The following AVEN variants were observed in gnomAD, a reference collection of about 807,000 sequenced individuals.
The protein encoded by AVEN is apoptosis and caspase activation inhibitor, also known as cell death regulator Aven.
In AVEN, 41 loss-of-function variants were observed where a neutral mutation model predicts 38.1. The observed-to-expected ratio is 1.08, with a 90% CI of 0.84 to 1.40. The LOEUF is 1.40. Among genes scored for constraint, AVEN ranks in the 40% most tolerant of loss-of-function variants. The probability of loss-of-function intolerance (pLI) is 0.00; values close to 1 mark genes in which losing one functional copy is unlikely to be tolerated. For synonymous variants in AVEN, 206 were observed against 171.8 expected, an observed-to-expected ratio of 1.20 and a Z score of -1.56; for missense variants, 605 against 438.8, an observed-to-expected ratio of 1.38 and a Z score of -3.38.
intron 5 of AVEN, 32 bp downstream of exon 5, chr15:33,867,463 A>C (rs1430916173): frequency 2.6e-6 from 4 of 1,537,938 alleles, no homozygotes; most frequent in Non-Finnish European, 3.5e-6. Context: ...CACCAGAATC[A>C]AGATTCACGG....
intron 2 of AVEN, among the ~76,000 whole-genome samples, chr15:33,891,394 CCT>C (rs893638011): frequency 5.3e-5 from 8 of 152,132 alleles, no homozygotes; most frequent in African/African-American, 1.7e-4. Flanking sequence ...TCCCCCACCC[CCT>C]GACGGGCCCT....
chr15:34,039,626 G>A (rs1341560158), upstream of AVEN, among the ~76,000 whole-genome samples: 1 of 152,180 alleles, frequency 6.6e-6, no homozygotes, highest in Admixed American at 6.5e-5. Context: ...TGTCTGGTGA[G>A]AGGTGGACTG....
At chr15:34,043,246 CAAA>C (rs59481537), upstream of AVEN, among the ~76,000 whole-genome samples, 1 of 112,340 alleles carries the variant, frequency 8.9e-6, no homozygotes, top group Admixed American at 9.4e-5. Flanking sequence ...GAATCCGTCT[CAAA>C]AAAAAAAAAA....
chr15:33,964,355 A>T (rs1279847703), intron 2 of AVEN, among the ~76,000 whole-genome samples: 1 of 152,182 alleles, frequency 6.6e-6, no homozygotes, highest in East Asian at 1.9e-4. Context: ...GAGCCAAATA[A>T]TAGGTCACAG....
intron 11 of AVEN, chr15:33,860,629 C>G (rs1400302643): frequency 1.9e-6 from 3 of 1,594,458 alleles, no homozygotes. Context: ...AGCTAAGAGA[C>G]CAGCAGGAAC....
intron 2 of AVEN, among the ~76,000 whole-genome samples, chr15:33,981,588 C>T (rs1374077250): frequency 2.6e-5 from 4 of 152,160 alleles, no homozygotes; most frequent in Admixed American, 2.6e-4. Context: ...GCATAGCCAA[C>T]TGTATGCATA....
chr15:33,911,928 A>C (rs1892932927), intron 2 of AVEN, among the ~76,000 whole-genome samples: 1 of 152,174 alleles, frequency 6.6e-6, no homozygotes, highest in Admixed American at 6.5e-5. Context: ...TCAGTTCACT[A>C]TTTTTATGTT....
chr15:34,011,862 T>G (rs2140667357), intron 1 of AVEN, among the ~76,000 whole-genome samples: 1 of 152,312 alleles, frequency 6.6e-6, no homozygotes, highest in South Asian at 2.1e-4. Context: ...AGTCAAGACC[T>G]TGCGAGTTCT....
chr15:33,995,168 G>A lies in AVEN; in HGVS notation c.445+7864C>T, dbSNP rs151127630. Among the ~76,000 whole-genome samples, 19 of 152,244 alleles carry A rather than the reference G, an allele frequency of 1.2e-4. No homozygotes were observed. The East Asian group carries it at 3.1e-3, about 25-fold the overall frequency. ...AGTCCCACCTACTCAGGAGGCTGGG[G>A]CAGGAGGATTGCTTGAGCCCAGGAG... is the stretch of plus-strand genomic sequence containing the variant. On this transcript the variant is annotated intron_variant, in intron 2 of 5. Coordinates refer to ENST00000306730, the MANE Select transcript of AVEN (RefSeq NM_020371.3).
upstream of AVEN, among the ~76,000 whole-genome samples, chr15:34,043,062 A>G (rs564485437): frequency 1.5e-3 from 230 of 152,134 alleles, 2 homozygotes; most frequent in African/African-American, 5.3e-3. Flanking sequence ...CCTGGCTAAC[A>G]CAGTGAAACC....
At position 34,039,165 on chromosome 15, in the gene AVEN, G is replaced by A. The variant is rs1209701400; in HGVS notation, c.-119C>T. 1 of 878,556 alleles carries A rather than the reference G, an allele frequency of 1.1e-6. No homozygotes were observed. The highest frequency in any genetic ancestry group is 1.8e-5 in the African/African-American group (1 of 55,046). 54.4% of individuals were successfully genotyped at this position (878,556 alleles called of 1,614,324 possible). On this transcript the variant is annotated 5_prime_UTR_variant, in exon 1 of 6. Transcript: ENST00000306730. The stretch of plus-strand genomic sequence containing the variant: ...AGCGAAAGGCGCCCGGTAGCAGCGA[G>A]GCGCGGGGTGCGGGGCTAGGGATCG...
intron 2 of AVEN, among the ~76,000 whole-genome samples, chr15:33,894,623 A>G (rs1892139752): frequency 6.9e-6 from 1 of 144,876 alleles, no homozygotes; most frequent in Non-Finnish European, 1.5e-5. Context: ...TAACCTGGGC[A>G]ACACGGTAAA....
intron 2 of AVEN, among the ~76,000 whole-genome samples, chr15:33,934,023 C>T (rs1475708477): frequency 2.6e-5 from 4 of 152,176 alleles, no homozygotes; most frequent in African/African-American, 9.7e-5. Flanking sequence ...AGAAATCCCT[C>T]TGTTCTCATT....
intron 2 of AVEN, among the ~76,000 whole-genome samples, chr15:33,981,247 G>C (rs1402630517): frequency 6.6e-6 from 1 of 152,090 alleles, no homozygotes; most frequent in Non-Finnish European, 1.5e-5. Flanking sequence ...TTCACTTTCC[G>C]CATGCACAGT....
At chr15:33,883,937 G>A (rs1891595344) in intron 2 of AVEN, among the ~76,000 whole-genome samples, 1 of 152,184 alleles carries the variant, frequency 6.6e-6, no homozygotes, top group South Asian at 2.1e-4. Context: ...CTTAGCTCTA[G>A]AAAGTTCAAT....
At chr15:34,005,677 T>C (rs1326384273) in intron 1 of AVEN, among the ~76,000 whole-genome samples, 2 of 152,204 alleles carry the variant, frequency 1.3e-5, no homozygotes, top group African/African-American at 4.8e-5. Flanking sequence ...TCGAGGAAAT[T>C]GTTTGTGCAG....
intron 1 of AVEN, among the ~76,000 whole-genome samples, chr15:34,031,168 A>ATTTTT (rs34414446): frequency 0.036 from 2,454 of 67,422 alleles, 138 homozygotes; most frequent in African/African-American, 0.056. Flanking sequence ...GCTTAGGTTA[A>ATTTTT]TTTTTTTTTT....
chr15:33,868,699 T>G (rs548120949), intron 4 of AVEN, among the ~76,000 whole-genome samples: 2 of 152,236 alleles, frequency 1.3e-5, no homozygotes, highest in African/African-American at 4.8e-5. Flanking sequence ...ATACACTATT[T>G]GATGATTGTA....
intron 1 of AVEN, among the ~76,000 whole-genome samples, chr15:34,029,402 C>T (rs565892532): frequency 4.6e-5 from 7 of 151,352 alleles, no homozygotes; most frequent in East Asian, 3.9e-4. Context: ...TTTTAGGAAC[C>T]GGGCAAGGTG....
Sources: allele counts gnomAD v4.1 joint callset (sites outside exome capture counted in the v4.1 genomes callset), GRCh38; gene constraint gnomAD v4.1.1; transcripts MANE v1.5; gene names NCBI Gene and HGNC (gene_info 2026-07-23, HGNC 2026-07-21).